Variants in SNX29 observed in about 807,000 individuals in gnomAD.
SNX29 encodes sorting nexin 29, also known as sorting nexin-29.
Under a neutral mutation model 102.1 loss-of-function variants are expected in SNX29, and 78 were observed. That is an observed-to-expected ratio of 0.76 (90% CI 0.64 to 0.92). The LOEUF is 0.92. SNX29 is among the 40% of genes least tolerant of loss of function. The pLI is 0.00. For missense variants in SNX29, 1,280 were observed against 1,061.7 expected, an observed-to-expected ratio of 1.21 and a Z score of -2.86; for synonymous variants, 580 against 414.5, an observed-to-expected ratio of 1.40 and a Z score of -4.85.
rs148587635 is a variant in SNX29, at chr16:12,052,016, C to G, written c.918C>G (p.Ala306=). 1.2e-6 allele frequency: 2 copies of G among 1,613,842 alleles called. No homozygotes were observed. The highest frequency in any genetic ancestry group is 1.7e-6 in the Non-Finnish European group (2 of 1,179,862). The part of the protein sequence containing the change: ...SDRSSVNIMS[A]FESPFGPNSN... ...GCTCCTCTGTCAATATCATGTCCGCCTTTGAAAGCCCCTTCGGGCCTAACT... is the reference window on the plus strand; with the variant it reads ...GCTCCTCTGTCAATATCATGTCCGCGTTTGAAAGCCCCTTCGGGCCTAACT... Residue 306 remains alanine, a synonymous_variant, in exon 8 of 21, where the codon GCC becomes GCG. Coordinates refer to ENST00000566228, the MANE Select transcript of SNX29 (RefSeq NM_032167.5).
intron 16 of SNX29, among the ~76,000 whole-genome samples, chr16:12,386,172 C>T (rs975112816): frequency 1.3e-5 from 2 of 152,200 alleles, no homozygotes; most frequent in East Asian, 1.9e-4. Flanking sequence ...TTTCTGAACT[C>T]CTGGATCCAA....
chr16:12,110,047 G>A (rs2053440645), intron 11 of SNX29, among the ~76,000 whole-genome samples: 1 of 152,130 alleles, frequency 6.6e-6, no homozygotes, highest in African/African-American at 2.4e-5. Context: ...TAAAATGAGT[G>A]TGATCTCACT....
chr16:12,052,234 T>C lies in SNX29; in HGVS notation c.1124+12T>C, dbSNP rs753335350. 57 of 1,613,532 alleles carry C rather than the reference T, an allele frequency of 3.5e-5. 2 individuals are homozygous for C. The South Asian group carries it at 4.2e-4, about 12-fold the overall frequency. The stretch of plus-strand genomic sequence containing the variant: ...GAGTCGCCCGAGAAGTAAGTTTGTG[T>C]GTAAGGTGGAGTCTCACCGTCCCCC... On this transcript the variant is annotated intron_variant, in intron 8 of 20. Coordinates refer to ENST00000566228, the MANE Select transcript of SNX29 (RefSeq NM_032167.5).
At chr16:12,459,557 TG>T (rs1377435500) in intron 18 of SNX29, among the ~76,000 whole-genome samples, 3 of 152,172 alleles carry the variant, frequency 2.0e-5, no homozygotes, top group African/African-American at 7.2e-5. Flanking sequence ...GGCTTCCTCC[TG>T]GACCATGCGG....
At chr16:12,451,586 G>A (rs554947242) in intron 18 of SNX29, among the ~76,000 whole-genome samples, 8 of 152,356 alleles carry the variant, frequency 5.3e-5, no homozygotes, top group South Asian at 2.1e-4. Context: ...GGATGGGGCC[G>A]GGTGCGGTGG....
chr16:12,281,591 C>G (rs928584593), intron 15 of SNX29, among the ~76,000 whole-genome samples: 2 of 152,206 alleles, frequency 1.3e-5, no homozygotes, highest in Non-Finnish European at 2.9e-5. Context: ...ATCACAGCCC[C>G]TGTAATACTA....
At chr16:12,315,685 C>T (rs1345590819) in intron 15 of SNX29, among the ~76,000 whole-genome samples, 2 of 152,144 alleles carry the variant, frequency 1.3e-5, no homozygotes, top group African/African-American at 2.4e-5. Context: ...TGGACTTTGC[C>T]CCTCTACAAC....
chr16:12,549,925 C>A (rs181080798), intron 20 of SNX29, among the ~76,000 whole-genome samples: 1 of 152,216 alleles, frequency 6.6e-6, no homozygotes, highest in African/African-American at 2.4e-5. Context: ...CAAATCTTAC[C>A]CTCCACCTGT....
In SNX29 at chr16:12,456,381, T is replaced by C. The variant is rs116564768; in HGVS notation, c.2038-21338T>C. 9.7e-3 allele frequency among the ~76,000 whole-genome samples: 1,476 copies of C among 152,280 alleles called. 30 individuals carry two copies. The highest frequency in any genetic ancestry group is 0.035 in the African/African-American group (1,437 of 41,556). ...TATGGCATCAATAAATACAGCACGA[T>C]ACTGGAAAAAACTAGGCAAGATAAT... is the stretch of plus-strand genomic sequence containing the variant. On this transcript the variant is annotated intron_variant, in intron 18 of 20. Transcript: ENST00000566228.
intron 20 of SNX29, among the ~76,000 whole-genome samples, chr16:12,547,631 T>G (rs1364634418): frequency 1.3e-5 from 2 of 152,078 alleles, no homozygotes; most frequent in Admixed American, 1.3e-4. Flanking sequence ...AGCTGTCCCA[T>G]GGGATGGAGA....
At chr16:11,987,597 A>T (rs1056889066) in intron 1 of SNX29, among the ~76,000 whole-genome samples, 2 of 151,978 alleles carry the variant, frequency 1.3e-5, no homozygotes, top group African/African-American at 4.8e-5. Flanking sequence ...GGGTTTCACC[A>T]TGTTGGCCAG....
chr16:12,308,404 G>T (rs1346051652), intron 15 of SNX29, among the ~76,000 whole-genome samples: 1 of 152,194 alleles, frequency 6.6e-6, no homozygotes. Context: ...TATCCCTTCT[G>T]CAGGGATCAA....
At chr16:11,996,100 C>T (rs1030832060) in intron 1 of SNX29, among the ~76,000 whole-genome samples, 1 of 151,722 alleles carries the variant, frequency 6.6e-6, no homozygotes, top group African/African-American at 2.4e-5. Flanking sequence ...CCTCAACCTC[C>T]TGAACCAGAA....
At chr16:12,561,673 TCACA>T (rs577934245) in intron 20 of SNX29, among the ~76,000 whole-genome samples, 97 of 152,304 alleles carry the variant, frequency 6.4e-4, no homozygotes, top group African/African-American at 2.3e-3. Context: ...GAGGGTGCCC[TCACA>T]CACAGACCCC....
chr16:12,069,740 G>C lies in SNX29; in HGVS notation c.1319+608G>C, dbSNP rs187232151. ...CAGTCTCGCTGTGTTGCCCAGGCTG[G>C]AGTGCGGTGGCGCAATCTCGGCTCA... On this transcript the variant is annotated intron_variant, in intron 10 of 20. Coordinates refer to ENST00000566228, the MANE Select transcript of SNX29 (RefSeq NM_032167.5). Among the ~76,000 whole-genome samples, 3 of 152,304 alleles carry C rather than the reference G, an allele frequency of 2.0e-5. No individual in the cohort carries two copies. In the East Asian group the frequency reaches 5.8e-4, roughly 29 times the overall value.
Position 12,078,811 on chromosome 16 carries a change from C to G in SNX29, c.1320-22C>G, listed in dbSNP as rs761694500. 1.7e-5 allele frequency: 27 copies of G among 1,583,640 alleles called. No individual in the cohort carries two copies. In the Admixed American group the frequency reaches 2.4e-4, roughly 14 times the overall value. On this transcript the variant is annotated intron_variant, in intron 10 of 20. Coordinates refer to ENST00000566228, the MANE Select transcript of SNX29 (RefSeq NM_032167.5). ...TACTTTCAGTGGCCGAGTGTAACTTCCTCCTGCCTGCTTTTTCCTAGTGTG... is the reference window on the plus strand; with the variant it reads ...TACTTTCAGTGGCCGAGTGTAACTTGCTCCTGCCTGCTTTTTCCTAGTGTG...
At chr16:12,565,322 C>CA (rs1293878630) in intron 20 of SNX29, among the ~76,000 whole-genome samples, 1 of 152,208 alleles carries the variant, frequency 6.6e-6, no homozygotes, top group African/African-American at 2.4e-5. Flanking sequence ...CCACTGTGCT[C>CA]AGCAGTCTGG....
At chr16:11,990,483 C>T (rs899471810) in intron 1 of SNX29, among the ~76,000 whole-genome samples, 1 of 152,140 alleles carries the variant, frequency 6.6e-6, no homozygotes, top group African/African-American at 2.4e-5. Context: ...GTGCCCCGGG[C>T]ATATATTGGG....
chr16:12,331,322 C>G (rs911379959), intron 15 of SNX29, among the ~76,000 whole-genome samples: 1 of 152,172 alleles, frequency 6.6e-6, no homozygotes, highest in South Asian at 2.1e-4. Flanking sequence ...TTTCTTGGGC[C>G]TAGCTTGGTA....
Sources: gnomAD v4.1 joint callset for allele counts (sites outside exome capture counted in the v4.1 genomes callset) on GRCh38, gnomAD v4.1.1 for gene constraint, MANE v1.5 for transcripts, NCBI Gene and HGNC (gene_info 2026-07-23, HGNC 2026-07-21) for gene names.